The following PSKH2 variants were observed in gnomAD, a reference collection of about 807,000 sequenced individuals.
The protein encoded by PSKH2 is serine/threonine-protein kinase H2.
A neutral mutation model predicts 22.5 loss-of-function variants in PSKH2; 16 were observed. The ratio of observed to expected loss-of-function variants is 0.71; its 90% CI spans 0.48 to 1.08. The LOEUF (loss-of-function observed/expected upper bound fraction) is 1.08. Among genes scored for constraint, PSKH2 ranks in the 50% least tolerant of loss-of-function variants. PSKH2 has a pLI of 0.00. For synonymous variants in PSKH2, 188 were observed against 184.8 expected (o/e 1.02, Z -0.14); for missense variants, 516 against 492.8 (o/e 1.05, Z -0.44).
At chr8:86,059,771 T>C (rs1817752114) in intron 2 of PSKH2, among the ~76,000 whole-genome samples, 1 of 152,214 alleles carries the variant, frequency 6.6e-6, no homozygotes, top group Non-Finnish European at 1.5e-5. Flanking sequence ...CATTATTCTG[T>C]CTACCACATC....
At chr8:86,068,427 T>C (rs1489117519) in intron 1 of PSKH2, among the ~76,000 whole-genome samples, 1 of 152,208 alleles carries the variant, frequency 6.6e-6, no homozygotes, top group Middle Eastern at 3.2e-3. Flanking sequence ...TGAAATCTTC[T>C]ACATAGGAAG....
intron 2 of PSKH2, among the ~76,000 whole-genome samples, chr8:86,054,967 T>C (rs1817680432): frequency 6.6e-6 from 1 of 152,062 alleles, no homozygotes; most frequent in South Asian, 2.1e-4. Flanking sequence ...AAAAACAACG[T>C]AACAGTGACC....
intron 2 of PSKH2, among the ~76,000 whole-genome samples, chr8:86,058,980 C>T (rs1817741840): frequency 6.6e-6 from 1 of 152,056 alleles, no homozygotes; most frequent in African/African-American, 2.4e-5. Context: ...CACTCTTTCA[C>T]CCAGGCTGGA....
intron 1 of PSKH2, among the ~76,000 whole-genome samples, chr8:86,065,542 C>T (rs7004477): frequency 0.02 from 3,010 of 152,160 alleles, 102 homozygotes; most frequent in African/African-American, 0.068. Context: ...TGTTTACCTA[C>T]GTAACAAACC....
chr8:86,068,801 G>A (rs887036352), intron 1 of PSKH2, among the ~76,000 whole-genome samples: 1 of 152,156 alleles, frequency 6.6e-6, no homozygotes, highest in Non-Finnish European at 1.5e-5. Flanking sequence ...TTCCACCGCA[G>A]ATGCTGGAGG....
chr8:86,060,542 T>C (rs1031450998), intron 2 of PSKH2, among the ~76,000 whole-genome samples: 4 of 152,224 alleles, frequency 2.6e-5, no homozygotes, highest in African/African-American at 7.2e-5. Context: ...TATTATGGAC[T>C]GAATATTTTA....
intron 2 of PSKH2, among the ~76,000 whole-genome samples, chr8:86,057,766 T>C (rs550811812): frequency 7.9e-5 from 12 of 152,326 alleles, no homozygotes; most frequent in South Asian, 6.2e-4. Context: ...GGAATCTTCT[T>C]CCTTCCAGAA....
At chr8:86,056,114 C>T (rs1162031155) in intron 2 of PSKH2, among the ~76,000 whole-genome samples, 2 of 151,856 alleles carry the variant, frequency 1.3e-5, no homozygotes, top group African/African-American at 2.4e-5. Context: ...CATAACAAGA[C>T]CCTATCTCTA....
intron 2 of PSKH2, among the ~76,000 whole-genome samples, chr8:86,053,168 C>A (rs1279795526): frequency 6.6e-6 from 1 of 152,176 alleles, no homozygotes; most frequent in African/African-American, 2.4e-5. Flanking sequence ...AAGAGTCTGG[C>A]TCTCCTCGCA....
At chr8:86,058,245 G>C (rs144710056) in intron 2 of PSKH2, among the ~76,000 whole-genome samples, 8 of 152,236 alleles carry the variant, frequency 5.3e-5, no homozygotes, top group Admixed American at 2.6e-4. Context: ...TACCCTGGCT[G>C]CTCCTCCAGC....
At position 86,048,768 on chromosome 8, in the gene PSKH2, C is replaced by A. The variant is rs1426282565; in HGVS notation, c.853-1G>T. ...CCAAGTGGGAAATGCTTGGCCAAGG[C>A]TGAGAATAAAAATAAATAAGTTAGA... On this transcript the variant is annotated splice_acceptor_variant, in intron 2 of 2. Transcript: ENST00000276616. LOFTEE classifies it high-confidence loss of function. 1.3e-6 allele frequency: 2 copies of A among 1,594,646 alleles called. No homozygotes were observed. The highest frequency in any genetic ancestry group is 1.7e-5 in the Admixed American group (1 of 57,346).
At chr8:86,064,678 C>A in intron 1 of PSKH2, 47 bp from the exon 2 acceptor site, 1 of 1,447,512 alleles carries the variant, frequency 6.9e-7, no homozygotes, top group African/African-American at 1.4e-5. Context: ...AGTGATGATT[C>A]TCAAAATTAT....
At chr8:86,067,309 C>G (rs561704288) in intron 1 of PSKH2, among the ~76,000 whole-genome samples, 1 of 151,832 alleles carries the variant, frequency 6.6e-6, no homozygotes, top group South Asian at 2.1e-4. Context: ...CCTCAACTGC[C>G]ATGAATGGTG....
chr8:86,056,244 G>A (rs1441433444), intron 2 of PSKH2, among the ~76,000 whole-genome samples: 1 of 152,108 alleles, frequency 6.6e-6, no homozygotes, highest in African/African-American at 2.4e-5. Context: ...ACTGAGCTAT[G>A]ATCACGCCAC....
rs752112386 is a variant in PSKH2, at chr8:86,047,971, T to C, written c.*491A>G. On this transcript the variant is annotated 3_prime_UTR_variant, in exon 3 of 3. Coordinates refer to ENST00000276616, the MANE Select transcript of PSKH2 (RefSeq NM_033126.3). ...CTTTATAGGCCCCATAATTAATAAT[T>C]TTTCATAAATATTTGCAGACTAAAT... Among the ~76,000 whole-genome samples the C allele has an allele frequency of 3.3e-5, 5 of 152,168 alleles. No homozygotes were observed. The highest frequency in any genetic ancestry group is 6.5e-5 in the Admixed American group (1 of 15,286).
At chr8:86,057,299 CACACACAT>C (rs1185249488) in intron 2 of PSKH2, among the ~76,000 whole-genome samples, 1 of 137,860 alleles carries the variant, frequency 7.3e-6, no homozygotes, top group South Asian at 2.5e-4. Flanking sequence ...CACACACACA[CACACACAT>C]ACACACAAAT....
At chr8:86,060,909 G>A (rs1459107401) in intron 2 of PSKH2, among the ~76,000 whole-genome samples, 1 of 152,094 alleles carries the variant, frequency 6.6e-6, no homozygotes, top group Non-Finnish European at 1.5e-5. Context: ...TAGACCCTGG[G>A]CCCCTCTTTC....
At chr8:86,048,806 A>C (rs1343768159) in intron 2 of PSKH2, 39 bp from the exon 3 acceptor site, 3 of 1,453,844 alleles carry the variant, frequency 2.1e-6, no homozygotes, top group South Asian at 1.3e-5. Context: ...AAAATAAATA[A>C]AATGGAAATA....
chr8:86,065,354 C>T (rs16879655), intron 1 of PSKH2, among the ~76,000 whole-genome samples: 6 of 152,236 alleles, frequency 3.9e-5, no homozygotes, highest in East Asian at 1.9e-4. Flanking sequence ...TTATAAGAGC[C>T]GGTTTCAGCA....
Sources: gnomAD v4.1 joint callset for allele counts (sites outside exome capture counted in the v4.1 genomes callset) on GRCh38, gnomAD v4.1.1 for gene constraint, MANE v1.5 for transcripts, NCBI Gene and HGNC (gene_info 2026-07-23, HGNC 2026-07-21) for gene names.